TENM3: variants seen among roughly 807,000 people sequenced by gnomAD.
TENM3 encodes teneurin-3.
In TENM3, 63 loss-of-function variants were observed where a neutral mutation model predicts 255.1. The ratio of observed to expected loss-of-function variants is 0.25; its 90% CI spans 0.20 to 0.30. The LOEUF (loss-of-function observed/expected upper bound fraction) is 0.30, where lower values mean the gene tolerates loss of function less well. Among genes scored for constraint, TENM3 ranks in the 10% least tolerant of loss-of-function variants. TENM3 has a pLI of 1.00. For synonymous variants in TENM3, 1,306 were observed against 1,322.3 expected (o/e 0.99, Z 0.27); for missense variants, 2,929 against 3,461.1 (o/e 0.85, Z 3.86).
chr4:182,509,124 C>T (rs948805859), intron 3 of TENM3, among the ~76,000 whole-genome samples: 1 of 152,110 alleles, frequency 6.6e-6, no homozygotes, highest in Non-Finnish European at 1.5e-5. Flanking sequence ...TAGCAGGGAT[C>T]CTTTGTGTTT....
chr4:182,010,785 C>T, the TENM3 span, among the ~76,000 whole-genome samples: 1 of 152,052 alleles, frequency 6.6e-6, no homozygotes, highest in Non-Finnish European at 1.5e-5. Flanking sequence ...TAAAAGTTTC[C>T]TTAGCAAGGT....
the TENM3 span, among the ~76,000 whole-genome samples, chr4:181,961,172 TG>T: frequency 0.011 from 1,724 of 152,100 alleles, 36 homozygotes; most frequent in African/African-American, 0.039. Flanking sequence ...ACCTGATGCT[TG>T]CTGTCAACTT....
At chr4:182,547,715 G>T (rs1022122574) in intron 3 of TENM3, among the ~76,000 whole-genome samples, 1 of 152,052 alleles carries the variant, frequency 6.6e-6, no homozygotes, top group Non-Finnish European at 1.5e-5. Flanking sequence ...ACAGCTTTCG[G>T]TTTTCATAGT....
At position 182,737,053 on chromosome 4, in the gene TENM3, C is replaced by A. The variant is rs1761224970; in HGVS notation, c.3213C>A (p.Val1071=). 3 of 1,613,718 alleles carry A rather than the reference C, an allele frequency of 1.9e-6. No homozygotes were observed. The highest frequency in any genetic ancestry group is 1.3e-5 in the African/African-American group (1 of 75,050). The change falls in exon 17 of 28, where the codon GTC becomes GTA. Residue 1071 remains valine, a synonymous_variant. Coordinates refer to ENST00000511685, the MANE Select transcript of TENM3 (RefSeq NM_001080477.4). ...WDKTDAYNQK[V]YGLSEAVVSV... ...AAACAGATGCATATAATCAGAAAGT[C>A]TATGGTCTATCTGAAGCTGTTGGTA...
chr4:181,600,834 A>T, the TENM3 span, among the ~76,000 whole-genome samples: 1 of 150,412 alleles, frequency 6.6e-6, no homozygotes, highest in Admixed American at 6.6e-5. Flanking sequence ...GTCTTATAGT[A>T]CCAAAAAGAA....
chr4:181,852,115 C>A, the TENM3 span, among the ~76,000 whole-genome samples: 1 of 152,176 alleles, frequency 6.6e-6, no homozygotes. Context: ...TTTAAAGAAG[C>A]AAGAACCCAC....
At chr4:182,363,382 T>A (rs768920291) in intron 3 of TENM3, among the ~76,000 whole-genome samples, 5 of 151,944 alleles carry the variant, frequency 3.3e-5, no homozygotes, top group Non-Finnish European at 5.9e-5. Flanking sequence ...TGTGTGTATA[T>A]ATATGAATAT....
chr4:181,702,717 C>T, the TENM3 span, among the ~76,000 whole-genome samples: 1 of 152,082 alleles, frequency 6.6e-6, no homozygotes, highest in Non-Finnish European at 1.5e-5. Flanking sequence ...TTACCATTAA[C>T]ATAATTAGTC....
the TENM3 span, among the ~76,000 whole-genome samples, chr4:181,770,030 G>T: frequency 1.3e-3 from 203 of 152,240 alleles, no homozygotes; most frequent in African/African-American, 4.7e-3. Context: ...AACCCTTTGT[G>T]GCTGCGCCCA....
chr4:181,683,460 C>T, the TENM3 span, among the ~76,000 whole-genome samples: 1 of 152,124 alleles, frequency 6.6e-6, no homozygotes, highest in Non-Finnish European at 1.5e-5. Flanking sequence ...TTTATTGAAA[C>T]AAAGATTGCG....
intron 18 of TENM3, among the ~76,000 whole-genome samples, chr4:182,739,784 T>C (rs1383766818): frequency 1.3e-5 from 2 of 152,168 alleles, no homozygotes; most frequent in Non-Finnish European, 1.5e-5. Context: ...GCCTGTAATC[T>C]CAGCACTTCA....
At chr4:182,670,622 T>C (rs962660991) in intron 6 of TENM3, among the ~76,000 whole-genome samples, 9 of 152,192 alleles carry the variant, frequency 5.9e-5, no homozygotes, top group Non-Finnish European at 1.3e-4. Context: ...ACGTGTGTCA[T>C]GTAGGATGCA....
chr4:182,195,941 A>G (rs1753810278), intron 1 of TENM3, among the ~76,000 whole-genome samples: 1 of 152,166 alleles, frequency 6.6e-6, no homozygotes, highest in Non-Finnish European at 1.5e-5. Flanking sequence ...AACTCCTGCA[A>G]GCAGCTTGTA....
intron 1 of TENM3, among the ~76,000 whole-genome samples, chr4:182,225,147 G>A (rs1756071996): frequency 2.0e-5 from 3 of 152,016 alleles, no homozygotes; most frequent in Admixed American, 6.6e-5. Context: ...TTTCTTTTGT[G>A]GATTAAATGA....
chr4:182,750,555 T>C (rs1762297818), intron 19 of TENM3, among the ~76,000 whole-genome samples: 1 of 152,174 alleles, frequency 6.6e-6, no homozygotes, highest in South Asian at 2.1e-4. Flanking sequence ...GTAGTGAAAA[T>C]TGTTTTATTA....
At chr4:181,557,809 G>C in the TENM3 span, among the ~76,000 whole-genome samples, 1 of 152,158 alleles carries the variant, frequency 6.6e-6, no homozygotes, top group African/African-American at 2.4e-5. Context: ...GGGATTACAG[G>C]CGTAAGCCAC....
chr4:181,686,489 C>G, the TENM3 span, among the ~76,000 whole-genome samples: 24 of 152,068 alleles, frequency 1.6e-4, no homozygotes, highest in East Asian at 4.6e-3. Flanking sequence ...CGAAAGTTCC[C>G]CATAGCCTTC....
the TENM3 span, among the ~76,000 whole-genome samples, chr4:181,998,455 G>T: frequency 2.6e-5 from 4 of 152,158 alleles, no homozygotes; most frequent in Non-Finnish European, 4.4e-5. Context: ...GAAAGACATT[G>T]TTTCCCCCGT....
At position 182,180,195 on chromosome 4, in the gene TENM3, T is replaced by G. The variant is rs536705862; in HGVS notation, c.-76+35441T>G. On this transcript the variant is annotated intron_variant, in intron 1 of 2. Transcript: ENST00000512480. ...AACGTGAACTTTCCAAAATGCTGCTTTACAAAGTTTATTTTCATTCATAAC... is the reference window on the plus strand; with the variant it reads ...AACGTGAACTTTCCAAAATGCTGCTGTACAAAGTTTATTTTCATTCATAAC... Among the ~76,000 whole-genome samples, 3 of 152,316 alleles carry G rather than the reference T, an allele frequency of 2.0e-5. No individual in the cohort carries two copies. The South Asian group carries it at 6.2e-4, about 32-fold the overall frequency.
Sources: allele counts gnomAD v4.1 joint callset (sites outside exome capture counted in the v4.1 genomes callset), GRCh38; gene constraint gnomAD v4.1.1; transcripts MANE v1.5; gene names NCBI Gene and HGNC (gene_info 2026-07-23, HGNC 2026-07-21).